Variants in TRIM62 observed in about 807,000 individuals in gnomAD.
TRIM62 encodes the protein tripartite motif containing 62.
A neutral mutation model predicts 44.2 loss-of-function variants in TRIM62; 39 were observed. The ratio of observed to expected loss-of-function variants is 0.88; its 90% CI spans 0.68 to 1.15. The LOEUF (loss-of-function observed/expected upper bound fraction) is 1.15. Ranked by LOEUF, TRIM62 falls within the 50% of genes most tolerant of loss-of-function variation. The pLI, the probability that TRIM62 is intolerant of heterozygous loss-of-function variation, is 0.00. For synonymous variants in TRIM62, 278 were observed against 292.3 expected, an observed-to-expected ratio of 0.95 and a Z score of 0.50; for missense variants, 544 against 665.5, an observed-to-expected ratio of 0.82 and a Z score of 2.01.
intron 1 of TRIM62, among the ~76,000 whole-genome samples, chr1:33,170,759 G>T (rs1645367818): frequency 6.6e-6 from 1 of 152,156 alleles, no homozygotes; most frequent in African/African-American, 2.4e-5. Flanking sequence ...TAGAAGACTG[G>T]CTCTACCACC....
intron 1 of TRIM62, among the ~76,000 whole-genome samples, chr1:33,173,624 A>G (rs1328417103): frequency 6.6e-6 from 1 of 151,568 alleles, no homozygotes; most frequent in Non-Finnish European, 1.5e-5. Flanking sequence ...CCTGAGTTCA[A>G]GTTTCAGCTT....
At chr1:33,160,076 G>T in intron 2 of TRIM62, 132 bp from the exon 3 acceptor site, 2 of 1,165,156 alleles carry the variant, frequency 1.7e-6, no homozygotes, top group Non-Finnish European at 2.4e-6. Context: ...TGGGGGAAAT[G>T]TCACATGCAA....
In TRIM62 at chr1:33,158,235, T is replaced by C. The variant is rs770183600; in HGVS notation, c.877+18A>G. On this transcript the variant is annotated intron_variant, in intron 4 of 4. Transcript: ENST00000291416. ...ACATGCCCCACCTAGCTCTGGACCA[T>C]GATAACCCATGCCTTACCTGGGTGG... The C allele has an allele frequency of 6.2e-7, 1 of 1,608,492 alleles. No homozygotes were observed. The highest frequency in any genetic ancestry group is 1.3e-5 in the African/African-American group (1 of 74,942).
intron 4 of TRIM62, among the ~76,000 whole-genome samples, chr1:33,155,413 G>A (rs1168830578): frequency 6.6e-6 from 1 of 151,984 alleles, no homozygotes; most frequent in Non-Finnish European, 1.5e-5. Flanking sequence ...TTTGATGTTT[G>A]TGGAACAGAA....
Position 33,159,953 on chromosome 1 carries a change from G to A in TRIM62, c.505-9C>T, listed in dbSNP as rs750466941. ...AGGCTCTTGGTGGAAGACTGTGGGG[G>A]ACAGTCGTCAGGGGTTATGGCTGGG... On this transcript the variant is annotated splice_polypyrimidine_tract_variant and intron_variant, in intron 2 of 4. Coordinates refer to ENST00000291416, the MANE Select transcript of TRIM62 (RefSeq NM_018207.3). This position sits in a 1 kb window ranked among gnomAD's most constrained non-coding sequence, Gnocchi z 4.2. 10 of 1,599,516 alleles carry A rather than the reference G, an allele frequency of 6.3e-6. No individual in the cohort carries two copies. The highest frequency in any genetic ancestry group is 1.6e-4 in the Middle Eastern group (1 of 6,076).
chr1:33,179,955 TAGAG>T (rs776537331), intron 1 of TRIM62, among the ~76,000 whole-genome samples: 1 of 152,248 alleles, frequency 6.6e-6, no homozygotes, highest in Non-Finnish European at 1.5e-5. Flanking sequence ...CACTTATTAA[TAGAG>T]AGCATTTGGG....
intron 4 of TRIM62, among the ~76,000 whole-genome samples, chr1:33,152,229 C>T (rs1462433482): frequency 1.3e-5 from 2 of 152,214 alleles, no homozygotes; most frequent in Non-Finnish European, 2.9e-5. Flanking sequence ...GGTCTTTTCA[C>T]ATCATGCTCT....
At chr1:33,156,613 CCT>C (rs1645182516) in intron 4 of TRIM62, among the ~76,000 whole-genome samples, 2 of 152,148 alleles carry the variant, frequency 1.3e-5, no homozygotes, top group African/African-American at 4.8e-5. Flanking sequence ...TTAGGGCAGC[CCT>C]CTGTCTTTTC....
Position 33,165,429 on chromosome 1 carries a change from T to C in TRIM62, c.504+42A>G. 6.8e-7 allele frequency: 1 copy of C among 1,476,792 alleles called. No individual in the cohort carries two copies. The allele number at this position is 1,476,792 out of a possible 1,614,324, so 91.5% of individuals were successfully genotyped here. On this transcript the variant is annotated intron_variant, in intron 2 of 4. Transcript: ENST00000291416. The surrounding 1 kb of genome is among the most constrained non-coding windows in gnomAD (Gnocchi z 4.0). The stretch of plus-strand genomic sequence containing the variant: ...GGCCCCGCCCCTCGAAGCCCTGCCC[T>C]CATCTCTGCCGGCCCCACCTCCGCG...
chr1:33,158,943 CA>C (rs1211170494), intron 3 of TRIM62, among the ~76,000 whole-genome samples: 10 of 152,056 alleles, frequency 6.6e-5, no homozygotes, highest in Admixed American at 2.0e-4. Context: ...TGGGTTCAAG[CA>C]ATTCTCCTGC....
At chr1:33,163,359 C>T (rs1434391518) in intron 2 of TRIM62, 25 of 151,580 alleles carry the variant, frequency 1.6e-4, no homozygotes, top group Admixed American at 1.6e-3. Flanking sequence ...TCCTTTCAAT[C>T]ACTTTTTTTA....
At chr1:33,153,608 C>G (rs1255721550) in intron 4 of TRIM62, among the ~76,000 whole-genome samples, 1 of 152,202 alleles carries the variant, frequency 6.6e-6, no homozygotes, top group Non-Finnish European at 1.5e-5. Context: ...TTGAGAAACC[C>G]TGCACTGGGG....
intron 1 of TRIM62, chr1:33,176,431 C>T (rs1434578554): frequency 4.3e-6 from 3 of 698,250 alleles, no homozygotes; most frequent in Non-Finnish European, 7.9e-6. Context: ...CAAGGCTGAT[C>T]CACTGCTGTC....
chr1:33,169,245 C>T (rs961803000), intron 1 of TRIM62, among the ~76,000 whole-genome samples: 1 of 152,086 alleles, frequency 6.6e-6, no homozygotes, highest in East Asian at 1.9e-4. Context: ...CCCCATATTC[C>T]CCATCTCAGT....
intron 1 of TRIM62, among the ~76,000 whole-genome samples, chr1:33,180,495 G>C (rs755897625): frequency 4.6e-5 from 7 of 152,062 alleles, no homozygotes; most frequent in Non-Finnish European, 7.4e-5. Context: ...CACCTGTCCA[G>C]CACATTCTAG....
At position 33,167,713 on chromosome 1, in the gene TRIM62, C is replaced by G. The variant is rs760741708; in HGVS notation, c.409-2147G>C. On this transcript the variant is annotated intron_variant, in intron 1 of 4. Coordinates refer to ENST00000291416, the MANE Select transcript of TRIM62 (RefSeq NM_018207.3). This position sits in a 1 kb window ranked among gnomAD's most constrained non-coding sequence, Gnocchi z 4.2. ...CTGACTTACCTGTTCACATCCACCT[C>G]CCTCCCACTCATTCAGCTTGTCAGA... is the stretch of plus-strand genomic sequence containing the variant. 6.6e-6 allele frequency among the ~76,000 whole-genome samples: 1 copy of G among 152,210 alleles called. No homozygotes were observed. Among genetic ancestry groups the G allele is most frequent in the Non-Finnish European group, 1.5e-5 (1 of 68,042 alleles).
At chr1:33,180,931 G>A (rs1327907526) in intron 1 of TRIM62, 94 bp downstream of exon 1, 1 of 886,918 alleles carries the variant, frequency 1.1e-6, no homozygotes, top group African/African-American at 1.8e-5. Context: ...ATTCTGACTG[G>A]GCCTGGCCCG....
intron 4 of TRIM62, among the ~76,000 whole-genome samples, chr1:33,154,574 C>T (rs906584115): frequency 4.0e-5 from 6 of 151,730 alleles, no homozygotes; most frequent in Non-Finnish European, 5.9e-5. Context: ...CCAAGGTGGG[C>T]GGATCACGAG....
rs1351280067 is a variant in TRIM62, at chr1:33,146,008, C to T, written c.*1169G>A. 17 of 436,318 alleles carry T rather than the reference C, an allele frequency of 3.9e-5. 1 individual carries two copies. The highest frequency in any genetic ancestry group is 1.7e-4 in the South Asian group (10 of 59,808). 27.0% of individuals were successfully genotyped at this position (436,318 alleles called of 1,614,324 possible). A position where few individuals can be genotyped will look rare whatever the true frequency, so the allele number is the denominator to read the frequency against. On this transcript the variant is annotated 3_prime_UTR_variant, in exon 5 of 5. Coordinates refer to ENST00000291416, the MANE Select transcript of TRIM62 (RefSeq NM_018207.3). The stretch of plus-strand genomic sequence containing the variant: ...GCCTCAGGACATCTATTGGCTGGCA[C>T]GGACCGTGGCAGAGGGAGCCTAGTT...
Sources: gnomAD v4.1 joint callset for allele counts (sites outside exome capture counted in the v4.1 genomes callset) on GRCh38, gnomAD v4.1.1 for gene constraint, Gnocchi (gnomAD v3.1) non-coding constraint, MANE v1.5 for transcripts, NCBI Gene and HGNC (gene_info 2026-07-23, HGNC 2026-07-21) for gene names.